The following MROH1 variants were observed in gnomAD, a reference collection of about 807,000 sequenced individuals.
The protein encoded by MROH1 is maestro heat-like repeat-containing protein family member 1.
A neutral mutation model predicts 116.5 loss-of-function variants in MROH1; 117 were observed. The observed-to-expected ratio is 1.00, with a 90% CI of 0.86 to 1.17. The LOEUF (loss-of-function observed/expected upper bound fraction) is 1.17, where lower values mean the gene tolerates loss of function less well. MROH1 is among the 50% of genes most tolerant of loss of function. The pLI is 0.00. For missense variants in MROH1, 1,873 were observed against 1,338.5 expected (o/e 1.40, Z -6.23); for synonymous variants, 921 against 583.9 (o/e 1.58, Z -8.32).
At chr8:144,160,899 C>T (rs987953676) in intron 1 of MROH1, 71 bp from the exon 2 acceptor site, 1 of 152,734 alleles carries the variant, frequency 6.5e-6, no homozygotes, top group African/African-American at 2.4e-5. Flanking sequence ...GCTTCCCTTC[C>T]TGGTGCCCCT....
At chr8:144,181,692 G>C (rs529369839) in intron 7 of MROH1, among the ~76,000 whole-genome samples, 1 of 152,300 alleles carries the variant, frequency 6.6e-6, no homozygotes, top group Non-Finnish European at 1.5e-5. Flanking sequence ...ACTGAGCCAG[G>C]TGTGAAGGAG....
chr8:144,164,730 A>G (rs1177801034), intron 3 of MROH1, among the ~76,000 whole-genome samples: 1 of 152,158 alleles, frequency 6.6e-6, no homozygotes, highest in African/African-American at 2.4e-5. Context: ...TGCTCTCTCC[A>G]GGTTTTCATC....
At chr8:144,219,016 T>TGTTG (rs111497079) in intron 12 of MROH1, among the ~76,000 whole-genome samples, 5 of 144,258 alleles carry the variant, frequency 3.5e-5, no homozygotes, top group African/African-American at 1.3e-4. Context: ...TGTGTTTTTT[T>TGTTG]TTGTTGTTGT....
intron 4 of MROH1, among the ~76,000 whole-genome samples, chr8:144,171,938 C>T (rs1031825751): frequency 6.6e-6 from 1 of 152,164 alleles, no homozygotes. Flanking sequence ...ATTGGACATA[C>T]CTCGTTATAC....
intron 11 of MROH1, among the ~76,000 whole-genome samples, 153 bp downstream of exon 11, chr8:144,199,353 G>A (rs548069825): frequency 3.3e-5 from 5 of 152,246 alleles, no homozygotes; most frequent in African/African-American, 1.2e-4. Context: ...TGGCTCCAGA[G>A]GCCTCTGAAC....
At chr8:144,184,256 G>T (rs1826385968) in intron 7 of MROH1, among the ~76,000 whole-genome samples, 1 of 152,158 alleles carries the variant, frequency 6.6e-6, no homozygotes, top group South Asian at 2.1e-4. Context: ...CTGAATGTTT[G>T]CGTCCCAGTC....
At chr8:144,240,011 CT>C in intron 18 of MROH1, 89 bp from the exon 19 acceptor site, 1 of 725,582 alleles carries the variant, frequency 1.4e-6, no homozygotes, top group Non-Finnish European at 2.6e-6. Flanking sequence ...CCTGTCTGTG[CT>C]GAGCATCCCC....
At position 144,258,790 on chromosome 8, in the gene MROH1, A is replaced by G; in HGVS notation, c.3805A>G (p.Thr1269Ala). 1.3e-6 allele frequency: 1 copy of G among 767,822 alleles called. No homozygotes were observed. The allele number at this position is 767,822 out of a possible 1,614,324, so 47.6% of individuals were successfully genotyped here. Residue 1269 changes from threonine (T) to alanine (A), a missense_variant, in exon 36 of 44, where the codon ACC becomes GCC. Thr to Ala is a moderately conservative substitution (Grantham distance 58). Coordinates refer to ENST00000326134, the MANE Select transcript of MROH1 (RefSeq NM_032450.3). ...GCAATCCTGCAGCTCTGCAGTGGACACCCTGCGGTCCATGCTACTCCGCAG... is the reference window on the plus strand; with the variant it reads ...GCAATCCTGCAGCTCTGCAGTGGACGCCCTGCGGTCCATGCTACTCCGCAG... ...NLEPCSSAVDTLRSMLLRSGS... is the reference protein window; with the variant it reads ...NLEPCSSAVDALRSMLLRSGS...
rs1363454831 is a variant in MROH1 at position 144,260,267 on chromosome 8, C to G, written c.4273C>G (p.Leu1425Val). The G allele has an allele frequency of 9.1e-6, 7 of 766,016 alleles. No homozygotes were observed. Among genetic ancestry groups the G allele is most frequent in the Admixed American group, 5.1e-5 (3 of 58,810 alleles). 47.5% of individuals were successfully genotyped at this position (766,016 alleles called of 1,614,324 possible). A position where few individuals can be genotyped will look rare whatever the true frequency, so the allele number is the denominator to read the frequency against. ...DGDNPHSPVALEAMLGLARLV... is the reference protein window; with the variant it reads ...DGDNPHSPVAVEAMLGLARLV... ...GGACAACCCTCACAGCCCAGTGGCCCTGGAGGCCATGCTGGGCCTTGCGAG... is the reference window on the plus strand; with the variant it reads ...GGACAACCCTCACAGCCCAGTGGCCGTGGAGGCCATGCTGGGCCTTGCGAG... Residue 1425 changes from leucine (L) to valine (V), a missense_variant, in exon 39 of 44, where the codon CTG becomes GTG. Physicochemically the swap from Leu to Val is conservative, Grantham distance 32. Coordinates refer to ENST00000326134, the MANE Select transcript of MROH1 (RefSeq NM_032450.3).
chr8:144,227,809 T>C (rs989970569), intron 14 of MROH1, among the ~76,000 whole-genome samples: 4 of 151,964 alleles, frequency 2.6e-5, no homozygotes, highest in Non-Finnish European at 4.4e-5. Context: ...AAAAATTAGC[T>C]GGGCCTGACG....
rs1049681189 is a variant in MROH1, at chr8:144,161,665, G to A, written c.-57+576G>A. Among the ~76,000 whole-genome samples the A allele has an allele frequency of 3.9e-5, 6 of 152,282 alleles. No homozygotes were observed. The East Asian group carries it at 1.2e-3, about 29-fold the overall frequency. On this transcript the variant is annotated intron_variant, in intron 2 of 43. Coordinates refer to ENST00000326134, the MANE Select transcript of MROH1 (RefSeq NM_032450.3). The stretch of plus-strand genomic sequence containing the variant: ...GTTTTTTAGTTGTCCTGTGATTCTC[G>A]CCTGGGCCGGGAGCAGGCAAGTCCA...
intron 24 of MROH1, 145 bp from the exon 25 acceptor site, chr8:144,243,349 T>C: frequency 1.5e-6 from 1 of 675,006 alleles, no homozygotes. Flanking sequence ...CCACATGGAC[T>C]TTGATAAGCA....
chr8:144,212,076 T>TTTTGTG (rs113372147), intron 12 of MROH1, among the ~76,000 whole-genome samples: 2 of 151,090 alleles, frequency 1.3e-5, no homozygotes, highest in Admixed American at 6.6e-5. Context: ...TGTGTTGTTT[T>TTTTGTG]TTTGTTTGTT....
chr8:144,192,494 G>C (rs1209546509), intron 10 of MROH1, 93 bp downstream of exon 10: 30 of 1,121,204 alleles, frequency 2.7e-5, no homozygotes, highest in Non-Finnish European at 3.3e-5. Context: ...AGTTGGGGTG[G>C]ATGGCTCAGC....
chr8:144,152,429 G>A (rs1037541304), intron 1 of MROH1, among the ~76,000 whole-genome samples: 35 of 150,836 alleles, frequency 2.3e-4, no homozygotes, highest in African/African-American at 8.3e-4. Flanking sequence ...TTGCTCTGTC[G>A]CCAGGCTGGA....
intron 1 of MROH1, among the ~76,000 whole-genome samples, chr8:144,151,076 C>T (rs1262764018): frequency 1.3e-5 from 2 of 151,650 alleles, no homozygotes; most frequent in African/African-American, 4.8e-5. Flanking sequence ...GGTGAAACCC[C>T]GTCTCCACTA....
chr8:144,212,076 TTTTG>T (rs56029728), intron 12 of MROH1, among the ~76,000 whole-genome samples: 13 of 151,206 alleles, frequency 8.6e-5, no homozygotes, highest in African/African-American at 1.9e-4. Context: ...TGTGTTGTTT[TTTTG>T]TTTGTTTGTT....
At chr8:144,240,963 C>T in intron 20 of MROH1, 29 bp from the exon 21 acceptor site, 2 of 726,854 alleles carry the variant, frequency 2.8e-6, no homozygotes, top group South Asian at 1.5e-5. Context: ...AGGAGTCAGG[C>T]AGAGCCGTGT....
chr8:144,164,936 A>G (rs1230349068), intron 3 of MROH1, among the ~76,000 whole-genome samples: 2 of 152,106 alleles, frequency 1.3e-5, no homozygotes, highest in Non-Finnish European at 2.9e-5. Context: ...TTGCTGTGTC[A>G]TCTCATAACT....
Sources: allele counts gnomAD v4.1 joint callset (sites outside exome capture counted in the v4.1 genomes callset), GRCh38; gene constraint gnomAD v4.1.1; transcripts MANE v1.5; gene names NCBI Gene and HGNC (gene_info 2026-07-23, HGNC 2026-07-21).